The following MDGA2 variants were observed in gnomAD, a reference collection of about 807,000 sequenced individuals.
MDGA2 encodes MAM domain containing glycosylphosphatidylinositol anchor 2.
MDGA2 carries 40 observed loss-of-function variants against 117.8 expected under a neutral mutation model. The ratio of observed to expected loss-of-function variants is 0.34; its 90% CI spans 0.26 to 0.44. The LOEUF is 0.44. Ranked by LOEUF, MDGA2 falls within the 20% of genes least tolerant of loss-of-function variation. The pLI, the probability that MDGA2 is intolerant of heterozygous loss-of-function variation, is 1.00. For missense variants in MDGA2, 1,123 were observed against 1,250.6 expected (o/e 0.90, Z 1.54); for synonymous variants, 452 against 439.0 (o/e 1.03, Z -0.37).
At chr14:47,530,674 T>C (rs1895080057) in intron 1 of MDGA2, among the ~76,000 whole-genome samples, 1 of 152,064 alleles carries the variant, frequency 6.6e-6, no homozygotes, top group Admixed American at 6.5e-5. Flanking sequence ...CTGGACCCCC[T>C]ATCTTGTGTG....
intron 2 of MDGA2, among the ~76,000 whole-genome samples, chr14:47,297,152 C>CT (rs933615622): frequency 6.6e-6 from 1 of 152,132 alleles, no homozygotes; most frequent in African/African-American, 2.4e-5. Flanking sequence ...TAGAATAATA[C>CT]TTTTCATTAT....
At chr14:47,501,046 T>TG (rs1041565889) in intron 1 of MDGA2, among the ~76,000 whole-genome samples, 8 of 152,166 alleles carry the variant, frequency 5.3e-5, no homozygotes, top group Non-Finnish European at 1.0e-4. Context: ...AAACCACCGA[T>TG]GAATTTTATC....
intron 6 of MDGA2, among the ~76,000 whole-genome samples, chr14:47,076,031 T>A (rs1332913536): frequency 2.6e-5 from 4 of 151,976 alleles, no homozygotes; most frequent in Non-Finnish European, 5.9e-5. Flanking sequence ...AAAGAATAAC[T>A]AACAAATAAA....
intron 1 of MDGA2, among the ~76,000 whole-genome samples, chr14:47,599,313 G>A (rs920427414): frequency 3.5e-5 from 5 of 142,108 alleles, no homozygotes; most frequent in African/African-American, 1.0e-4. Context: ...GACAAATGCT[G>A]TTTTTTTTTT....
chr14:47,218,290 C>G, intron 2 of MDGA2, 95 bp from the exon 3 acceptor site: 1 of 1,023,756 alleles, frequency 9.8e-7, no homozygotes, highest in South Asian at 2.0e-5. Flanking sequence ...GCATTTAGAG[C>G]TGCTACATTG....
At chr14:47,391,946 A>G (rs7146053) in intron 1 of MDGA2, among the ~76,000 whole-genome samples, 53,182 of 152,050 alleles carry the variant, frequency 0.35, 9,724 homozygotes, top group East Asian at 0.57. Context: ...GCATCACTCA[A>G]ACAAATAGAG....
At chr14:47,665,659 G>T (rs949182562) in intron 1 of MDGA2, among the ~76,000 whole-genome samples, 4 of 152,186 alleles carry the variant, frequency 2.6e-5, no homozygotes, top group Non-Finnish European at 4.4e-5. Context: ...GAGCAATGGG[G>T]GGCTTAGCAC....
intron 1 of MDGA2, among the ~76,000 whole-genome samples, chr14:47,410,642 T>C (rs1470565335): frequency 2.0e-5 from 3 of 152,062 alleles, no homozygotes; most frequent in Admixed American, 1.3e-4. Flanking sequence ...AGAGAGAAAA[T>C]ACGCCATTTC....
intron 14 of MDGA2, among the ~76,000 whole-genome samples, chr14:46,856,130 G>T (rs1178159114): frequency 6.6e-6 from 1 of 151,788 alleles, no homozygotes; most frequent in African/African-American, 2.4e-5. Context: ...AACTTAGAGG[G>T]GTTAAACAAT....
At chr14:47,279,468 T>G (rs1253658356) in intron 2 of MDGA2, among the ~76,000 whole-genome samples, 5 of 152,184 alleles carry the variant, frequency 3.3e-5, no homozygotes, top group Non-Finnish European at 7.4e-5. Context: ...TCTCTTTTTC[T>G]TGGATATAAG....
At chr14:46,875,924 T>C (rs1024609912) in intron 12 of MDGA2, among the ~76,000 whole-genome samples, 17 of 151,610 alleles carry the variant, frequency 1.1e-4, no homozygotes, top group Non-Finnish European at 1.8e-4. Flanking sequence ...GAACCTTTTT[T>C]TCGTAATTTA....
intron 2 of MDGA2, among the ~76,000 whole-genome samples, chr14:47,220,934 T>C (rs1886274981): frequency 6.6e-6 from 1 of 152,202 alleles, no homozygotes; most frequent in Non-Finnish European, 1.5e-5. Flanking sequence ...AGGGTTCAAA[T>C]AGCCCCCCAT....
chr14:47,290,370 C>T (rs1234631166), intron 2 of MDGA2, among the ~76,000 whole-genome samples: 2 of 152,096 alleles, frequency 1.3e-5, no homozygotes, highest in African/African-American at 2.4e-5. Context: ...CCTCATCATA[C>T]ATGGAATCTG....
intron 1 of MDGA2, among the ~76,000 whole-genome samples, chr14:47,612,917 C>T (rs1566541505): frequency 6.6e-6 from 1 of 152,122 alleles, no homozygotes; most frequent in African/African-American, 2.4e-5. Context: ...ATTAGCAGGA[C>T]CTAATATTTC....
chr14:47,358,863 A>G (rs1891051002), intron 1 of MDGA2, among the ~76,000 whole-genome samples: 1 of 152,212 alleles, frequency 6.6e-6, no homozygotes, highest in African/African-American at 2.4e-5. Context: ...CGGAAAACTA[A>G]TATTGTTAAA....
At chr14:47,032,189 T>C (rs1222437382) in intron 8 of MDGA2, among the ~76,000 whole-genome samples, 1 of 152,158 alleles carries the variant, frequency 6.6e-6, no homozygotes, top group East Asian at 1.9e-4. Flanking sequence ...CATATGTATA[T>C]CCACATATGA....
intron 9 of MDGA2, among the ~76,000 whole-genome samples, chr14:46,942,694 A>G (rs1403594101): frequency 6.6e-6 from 1 of 152,088 alleles, no homozygotes; most frequent in Non-Finnish European, 1.5e-5. Flanking sequence ...TTCACTCGAC[A>G]TTGTTTTTGA....
intron 9 of MDGA2, among the ~76,000 whole-genome samples, chr14:46,947,766 T>C (rs1885225084): frequency 6.6e-6 from 1 of 152,062 alleles, no homozygotes; most frequent in South Asian, 2.1e-4. Flanking sequence ...TGTAAATTTC[T>C]TAGTCTCGAG....
At position 47,408,026 on chromosome 14, in the gene MDGA2, T is replaced by C. The variant is rs145692826; in HGVS notation, c.281-106476A>G. Among the ~76,000 whole-genome samples the C allele has an allele frequency of 3.5e-3, 531 of 151,904 alleles. 2 individuals are homozygous for C. The highest frequency in any genetic ancestry group is 0.012 in the African/African-American group (491 of 41,456). ...CAAGGGAATTTGTAGATATAATTAATGTTGTGAGCCTTAAAATAGGGAGAT... is the reference window on the plus strand; with the variant it reads ...CAAGGGAATTTGTAGATATAATTAACGTTGTGAGCCTTAAAATAGGGAGAT... On this transcript the variant is annotated intron_variant, in intron 1 of 16. Transcript: ENST00000399232.
Sources: gnomAD v4.1 joint callset for allele counts (sites outside exome capture counted in the v4.1 genomes callset) on GRCh38, gnomAD v4.1.1 for gene constraint, MANE v1.5 for transcripts, NCBI Gene and HGNC (gene_info 2026-07-23, HGNC 2026-07-21) for gene names.